Variants in PRKCB observed in about 807,000 individuals in gnomAD.
PRKCB encodes protein kinase C beta type.
PRKCB carries 13 observed loss-of-function variants against 81.5 expected under a neutral mutation model. That is an observed-to-expected ratio of 0.16 (90% CI 0.10 to 0.25). The LOEUF (loss-of-function observed/expected upper bound fraction) is 0.25. Among genes scored for constraint, PRKCB ranks in the 10% least tolerant of loss-of-function variants. PRKCB has a pLI of 1.00. For synonymous variants in PRKCB, 335 were observed against 321.4 expected (o/e 1.04, Z -0.45); for missense variants, 509 against 875.7 (o/e 0.58, Z 5.29).
In PRKCB at chr16:23,968,838, G is replaced by A. The variant is rs531916034; in HGVS notation, c.206-19670G>A. On this transcript the variant is annotated intron_variant, in intron 2 of 16. Transcript: ENST00000643927. ...AAGGGAAGGGCCTGGTCAATATTAA[G>A]TACTCATAAATGCTGAGATTCAGTG... 2.6e-5 allele frequency among the ~76,000 whole-genome samples: 4 copies of A among 152,292 alleles called. No individual in the cohort carries two copies. The South Asian group carries it at 6.2e-4, about 24-fold the overall frequency.
intron 2 of PRKCB, among the ~76,000 whole-genome samples, chr16:23,924,955 G>A (rs1455359311): frequency 1.3e-5 from 2 of 152,022 alleles, no homozygotes; most frequent in Non-Finnish European, 2.9e-5. Context: ...TGCTATATAG[G>A]TTCATTCTGG....
intron 2 of PRKCB, among the ~76,000 whole-genome samples, chr16:23,844,664 C>T (rs983841582): frequency 6.6e-6 from 1 of 151,938 alleles, no homozygotes; most frequent in Non-Finnish European, 1.5e-5. Flanking sequence ...CCCACCACCT[C>T]GCCCGGCTAA....
chr16:23,882,033 C>CCTTCCTTCCTTT (rs1963129614), intron 2 of PRKCB, among the ~76,000 whole-genome samples: 2 of 35,002 alleles, frequency 5.7e-5, no homozygotes, highest in Non-Finnish European at 1.4e-4. Flanking sequence ...TTCCTTCCTT[C>CCTTCCTTCCTTT]CTTCCTTCCT....
At chr16:23,869,168 C>T (rs1253714189) in intron 2 of PRKCB, 2 of 452,602 alleles carry the variant, frequency 4.4e-6, no homozygotes, top group Non-Finnish European at 8.8e-6. Context: ...GGAACGTGAG[C>T]AGACACAATC....
intron 2 of PRKCB, among the ~76,000 whole-genome samples, chr16:23,939,690 A>C (rs1964112758): frequency 6.6e-6 from 1 of 152,246 alleles, no homozygotes; most frequent in African/African-American, 2.4e-5. Flanking sequence ...TGCACTTTAT[A>C]CAAAAATTAA....
chr16:24,189,098 AG>A (rs1384196419), intron 15 of PRKCB, among the ~76,000 whole-genome samples: 1 of 152,158 alleles, frequency 6.6e-6, no homozygotes, highest in African/African-American at 2.4e-5. Context: ...TGACAAAGCC[AG>A]GCCACAAAAA....
At chr16:23,933,629 TATCCATCCATCC>T (rs57745059) in intron 2 of PRKCB, among the ~76,000 whole-genome samples, 20 of 135,686 alleles carry the variant, frequency 1.5e-4, no homozygotes, top group East Asian at 4.7e-4. Flanking sequence ...TGTGAACTGA[TATCCATCCATCC>T]ATCCATCCAT....
At chr16:24,022,026 C>G (rs1965411922) in intron 3 of PRKCB, among the ~76,000 whole-genome samples, 1 of 152,092 alleles carries the variant, frequency 6.6e-6, no homozygotes, top group South Asian at 2.1e-4. Context: ...GGAGCCTCAG[C>G]AACAGGAAAT....
At chr16:24,093,087 T>C in intron 6 of PRKCB, 140 bp downstream of exon 6, 1 of 907,206 alleles carries the variant, frequency 1.1e-6, no homozygotes, top group Non-Finnish European at 1.6e-6. Flanking sequence ...CATCCCTCAC[T>C]CCTATCTTTC....
At position 23,837,182 on chromosome 16, in the gene PRKCB, G is replaced by A; in HGVS notation, c.174-193G>A. ...GCAGCCTCCTCTCTTCTGCAGGAGT[G>A]AAGGCAGATGGGGGTTACAGCCGAG... On this transcript the variant is annotated intron_variant, in intron 1 of 16. Coordinates refer to ENST00000643927, the MANE Select transcript of PRKCB (RefSeq NM_002738.7). 8.3e-6 allele frequency: 6 copies of A among 720,890 alleles called. No individual in the cohort carries two copies. The South Asian group carries it at 8.8e-5, about 11-fold the overall frequency. 44.7% of individuals were successfully genotyped at this position (720,890 alleles called of 1,614,324 possible).
At chr16:24,179,796 A>G (rs1386406708) in intron 12 of PRKCB, among the ~76,000 whole-genome samples, 1 of 152,238 alleles carries the variant, frequency 6.6e-6, no homozygotes, top group East Asian at 1.9e-4. Flanking sequence ...ACCACTTATC[A>G]GAATCTGTAA....
intron 5 of PRKCB, among the ~76,000 whole-genome samples, chr16:24,074,527 G>A (rs527974489): frequency 2.6e-4 from 39 of 152,142 alleles, no homozygotes; most frequent in Admixed American, 4.6e-4. Flanking sequence ...CTCATTCACC[G>A]TCAACTATTA....
At chr16:23,922,846 A>G (rs1165529276) in intron 2 of PRKCB, among the ~76,000 whole-genome samples, 4 of 150,312 alleles carry the variant, frequency 2.7e-5, no homozygotes, top group African/African-American at 4.8e-5. Context: ...ATGGTGGCCA[A>G]TGTCCACATG....
chr16:24,149,608 C>T (rs1399846941), intron 9 of PRKCB, among the ~76,000 whole-genome samples: 2 of 152,140 alleles, frequency 1.3e-5, no homozygotes, highest in Non-Finnish European at 2.9e-5. Flanking sequence ...TGCAGACTCC[C>T]AGGTCACAGC....
At chr16:24,108,288 TTTTA>T (rs1318199981) in intron 7 of PRKCB, among the ~76,000 whole-genome samples, 1 of 147,866 alleles carries the variant, frequency 6.8e-6, no homozygotes, top group African/African-American at 2.5e-5. Flanking sequence ...TATTTATTTT[TTTTA>T]TTATTTTTTT....
At chr16:23,981,582 TTC>T (rs936573081) in intron 2 of PRKCB, among the ~76,000 whole-genome samples, 52 of 151,202 alleles carry the variant, frequency 3.4e-4, no homozygotes, top group African/African-American at 1.2e-3. Context: ...TTCTTTTCCT[TTC>T]CTTTCCTTCC....
intron 2 of PRKCB, among the ~76,000 whole-genome samples, chr16:23,979,070 C>A (rs902861109): frequency 2.0e-5 from 3 of 152,192 alleles, no homozygotes; most frequent in Admixed American, 1.3e-4. Flanking sequence ...AATATTGACA[C>A]TTCTTAGCAT....
intron 2 of PRKCB, among the ~76,000 whole-genome samples, chr16:23,898,922 C>G (rs1311679999): frequency 6.6e-6 from 1 of 152,148 alleles, no homozygotes. Context: ...TCATCAGGTT[C>G]TTCTGAGGCG....
At chr16:23,952,484 G>A (rs1964296711) in intron 2 of PRKCB, among the ~76,000 whole-genome samples, 1 of 152,192 alleles carries the variant, frequency 6.6e-6, no homozygotes, top group Non-Finnish European at 1.5e-5. Context: ...TAAAAGAGAT[G>A]AGGGGGTGTT....
Sources: gnomAD v4.1 joint callset for allele counts (sites outside exome capture counted in the v4.1 genomes callset) on GRCh38, gnomAD v4.1.1 for gene constraint, MANE v1.5 for transcripts, NCBI Gene and HGNC (gene_info 2026-07-23, HGNC 2026-07-21) for gene names.